The following ABTB2 variants were observed in gnomAD, a reference collection of about 807,000 sequenced individuals.
ABTB2 encodes the protein ankyrin repeat and BTB/POZ domain-containing protein 2.
In ABTB2, 56 loss-of-function variants were observed where a neutral mutation model predicts 104.1. The ratio of observed to expected loss-of-function variants is 0.54; its 90% CI spans 0.43 to 0.67. The LOEUF (loss-of-function observed/expected upper bound fraction) is 0.67. Among genes scored for constraint, ABTB2 ranks in the 30% least tolerant of loss-of-function variants. ABTB2 has a pLI of 0.00. For synonymous variants in ABTB2, 606 were observed against 608.2 expected (o/e 1.00, Z 0.05); for missense variants, 1,279 against 1,407.7 (o/e 0.91, Z 1.46).
intron 9 of ABTB2, 90 bp from the exon 10 acceptor site, chr11:34,162,895 G>A: frequency 4.7e-6 from 6 of 1,274,864 alleles, no homozygotes; most frequent in South Asian, 1.4e-5. Flanking sequence ...CTGCCCCGAC[G>A]GGCTGCTCTG....
At chr11:34,288,850 C>G (rs1199079021) in intron 1 of ABTB2, among the ~76,000 whole-genome samples, 3 of 152,174 alleles carry the variant, frequency 2.0e-5, no homozygotes, top group African/African-American at 7.2e-5. Context: ...TAGCCTTCCT[C>G]TGGACGTTCC....
chr11:34,187,667 T>G (rs1853119618), intron 3 of ABTB2, among the ~76,000 whole-genome samples: 1 of 152,070 alleles, frequency 6.6e-6, no homozygotes, highest in Admixed American at 6.5e-5. Context: ...CAGCTAATTT[T>G]TATTTTTATA....
intron 2 of ABTB2, 104 bp from the exon 3 acceptor site, chr11:34,197,642 C>A: frequency 1.2e-6 from 1 of 862,348 alleles, no homozygotes; most frequent in South Asian, 1.8e-5. Context: ...CTGAAGCTCC[C>A]TTGCCTTAGT....
intron 1 of ABTB2, among the ~76,000 whole-genome samples, chr11:34,249,596 C>T (rs10836168): frequency 0.14 from 21,774 of 152,228 alleles, 1,848 homozygotes; most frequent in Non-Finnish European, 0.19. Context: ...GACCCCACTA[C>T]CCCACTTGAA....
chr11:34,335,537 C>T, intron 1 of ABTB2: 1 of 1,259,380 alleles, frequency 7.9e-7, no homozygotes, highest in South Asian at 1.3e-5. Flanking sequence ...CTTTTCGCCA[C>T]AATTCTGGAC....
rs1265364450 is a variant in ABTB2, at chr11:34,356,598, C to T, written c.883+103G>A. 7.1e-7 allele frequency: 1 copy of T among 1,401,340 alleles called. No homozygotes were observed. The highest frequency in any genetic ancestry group is 2.5e-5 in the East Asian group (1 of 39,672). The allele number at this position is 1,401,340 out of a possible 1,614,324, so 86.8% of individuals were successfully genotyped here. The stretch of plus-strand genomic sequence containing the variant: ...AGACCAAACGTTTTCTCCCAAAGAA[C>T]TGGCACAGCCACCAGCTTTGTCTCA... On this transcript the variant is annotated intron_variant, in intron 1 of 16. Transcript: ENST00000435224. The surrounding 1 kb of genome is among the most constrained non-coding windows in gnomAD (Gnocchi z 4.6).
chr11:34,357,656 A>AT lies in ABTB2; in HGVS notation c.-74_-73insA. On this transcript the variant is annotated 5_prime_UTR_variant, in exon 1 of 17. In the 5' UTR this introduces an upstream ATG that the reference lacks. Coordinates refer to ENST00000435224, the MANE Select transcript of ABTB2 (RefSeq NM_145804.3). ...TCCATGCCCTCTTTCCCAAGTGGGC[A>AT]GAAACAAGCTCTAGGCCCTCCGGGC... The AT allele has an allele frequency of 7.1e-7, 1 of 1,414,166 alleles. No homozygotes were observed. Among genetic ancestry groups the AT allele is most frequent in the Non-Finnish European group, 9.3e-7 (1 of 1,078,784 alleles). 87.6% of individuals were successfully genotyped at this position (1,414,166 alleles called of 1,614,324 possible). A position where few individuals can be genotyped will look rare whatever the true frequency, so the allele number is the denominator to read the frequency against.
intron 1 of ABTB2, among the ~76,000 whole-genome samples, chr11:34,308,486 C>G (rs1478507056): frequency 6.6e-6 from 1 of 152,142 alleles, no homozygotes; most frequent in Admixed American, 6.6e-5. Context: ...TGGGGTCACT[C>G]CCTGAGGGCA....
At chr11:34,210,220 G>T (rs1437080227) in intron 1 of ABTB2, among the ~76,000 whole-genome samples, 3 of 152,242 alleles carry the variant, frequency 2.0e-5, no homozygotes, top group Non-Finnish European at 1.5e-5. Flanking sequence ...AAACCACGGG[G>T]GTGGAATCTA....
chr11:34,326,027 T>A (rs1855066934), intron 1 of ABTB2, among the ~76,000 whole-genome samples: 1 of 132,840 alleles, frequency 7.5e-6, no homozygotes, highest in East Asian at 2.1e-4. Flanking sequence ...AAGAAAAAGC[T>A]GGATAAATGT....
chr11:34,340,674 G>A (rs1855252469), intron 1 of ABTB2, among the ~76,000 whole-genome samples: 2 of 152,178 alleles, frequency 1.3e-5, no homozygotes, highest in South Asian at 2.1e-4. Context: ...AGGACCACAG[G>A]TCATGTGAAG....
At chr11:34,290,453 T>C (rs1442709956) in intron 1 of ABTB2, among the ~76,000 whole-genome samples, 2 of 152,214 alleles carry the variant, frequency 1.3e-5, no homozygotes. Flanking sequence ...TAATAGGTGA[T>C]AGTAATCGAA....
intron 1 of ABTB2, among the ~76,000 whole-genome samples, chr11:34,212,391 TG>T (rs1853491905): frequency 6.6e-6 from 1 of 152,206 alleles, no homozygotes; most frequent in African/African-American, 2.4e-5. Flanking sequence ...TAATAATAAA[TG>T]GACATGGACT....
chr11:34,173,883 C>T (rs1386660013), intron 3 of ABTB2, among the ~76,000 whole-genome samples: 2 of 152,144 alleles, frequency 1.3e-5, no homozygotes, highest in Non-Finnish European at 2.9e-5. Flanking sequence ...TGTGATACCT[C>T]CTTATGGAGG....
In ABTB2 at chr11:34,190,073, C is replaced by G. The variant is rs533988660; in HGVS notation, c.1244+7252G>C. Among the ~76,000 whole-genome samples, 7 of 152,284 alleles carry G rather than the reference C, an allele frequency of 4.6e-5. No homozygotes were observed. In the South Asian group the frequency reaches 1.4e-3, roughly 32 times the overall value. ...TGGCCAACATGGCAAAACCCTGTCT[C>G]TACTAAAAATACAAAAATTAGCCAG... On this transcript the variant is annotated intron_variant, in intron 3 of 16. Coordinates refer to ENST00000435224, the MANE Select transcript of ABTB2 (RefSeq NM_145804.3).
intron 3 of ABTB2, among the ~76,000 whole-genome samples, chr11:34,173,613 A>G (rs915703843): frequency 1.3e-5 from 2 of 152,170 alleles, no homozygotes. Flanking sequence ...AGGAATTTCC[A>G]TCATGGGCCA....
chr11:34,161,980 C>A (rs528675176), intron 10 of ABTB2, among the ~76,000 whole-genome samples: 120 of 152,258 alleles, frequency 7.9e-4, no homozygotes, highest in African/African-American at 2.8e-3. Context: ...TGTCATCCAC[C>A]AAGTGCTCAC....
At chr11:34,214,762 T>C (rs1853529715) in intron 1 of ABTB2, among the ~76,000 whole-genome samples, 1 of 152,196 alleles carries the variant, frequency 6.6e-6, no homozygotes, top group African/African-American at 2.4e-5. Flanking sequence ...TTCTGCATGG[T>C]ATACTTTTAG....
intron 16 of ABTB2, among the ~76,000 whole-genome samples, chr11:34,153,259 A>C (rs186882536): frequency 6.6e-6 from 1 of 152,334 alleles, no homozygotes; most frequent in Admixed American, 6.5e-5. Context: ...AGATGTGGGC[A>C]GGACCTTGGG....
Sources: gnomAD v4.1 joint callset for allele counts (sites outside exome capture counted in the v4.1 genomes callset) on GRCh38, gnomAD v4.1.1 for gene constraint, Gnocchi (gnomAD v3.1) non-coding constraint, MANE v1.5 for transcripts, NCBI Gene and HGNC (gene_info 2026-07-23, HGNC 2026-07-21) for gene names.